Variants in CTNNA3 observed in about 807,000 individuals in gnomAD.
CTNNA3 encodes the protein catenin alpha 3, also known as catenin alpha-3.
A neutral mutation model predicts 95.7 loss-of-function variants in CTNNA3; 76 were observed. That is an observed-to-expected ratio of 0.79 (90% CI 0.66 to 0.96). The LOEUF (loss-of-function observed/expected upper bound fraction) is 0.96, where lower values mean the gene tolerates loss of function less well. Among genes scored for constraint, CTNNA3 ranks in the 40% least tolerant of loss-of-function variants. CTNNA3 has a pLI of 0.00. For missense variants in CTNNA3, 1,191 were observed against 1,089.8 expected, an observed-to-expected ratio of 1.09 and a Z score of -1.31; for synonymous variants, 431 against 374.4, an observed-to-expected ratio of 1.15 and a Z score of -1.74.
chr10:67,337,459 G>A (rs1288045179), intron 5 of CTNNA3, among the ~76,000 whole-genome samples: 1 of 152,188 alleles, frequency 6.6e-6, no homozygotes, highest in Non-Finnish European at 1.5e-5. Flanking sequence ...TCCTGGTGAA[G>A]ATGCAGTGAA....
At chr10:66,123,461 C>T (rs1185134223) in intron 13 of CTNNA3, among the ~76,000 whole-genome samples, 5 of 152,068 alleles carry the variant, frequency 3.3e-5, no homozygotes, top group African/African-American at 1.2e-4. Flanking sequence ...TTGAGTGTGG[C>T]TTTTCTAGGC....
chr10:66,326,415 G>A (rs2092255429), intron 12 of CTNNA3, among the ~76,000 whole-genome samples: 1 of 151,896 alleles, frequency 6.6e-6, no homozygotes, highest in African/African-American at 2.4e-5. Flanking sequence ...TCCATCTATG[G>A]GATTGGTAGA....
intron 10 of CTNNA3, among the ~76,000 whole-genome samples, chr10:66,597,511 C>CATATATATATATATAT (rs369390875): frequency 5.6e-5 from 4 of 70,974 alleles, no homozygotes; most frequent in Admixed American, 3.0e-4. Context: ...TTATTTCATA[C>CATATATATATATATAT]ATATATATAT....
At chr10:67,185,573 T>C (rs1370808289) in intron 6 of CTNNA3, among the ~76,000 whole-genome samples, 1 of 152,208 alleles carries the variant, frequency 6.6e-6, no homozygotes, top group African/African-American at 2.4e-5. Flanking sequence ...GATATTATTT[T>C]TGATGAAACC....
chr10:66,625,641 A>C (rs1844908888), intron 9 of CTNNA3, among the ~76,000 whole-genome samples: 1 of 152,152 alleles, frequency 6.6e-6, no homozygotes, highest in South Asian at 2.1e-4. Context: ...CATCTGCCTC[A>C]GTCTCCCAAA....
At chr10:67,193,920 G>T (rs1863233146) in intron 6 of CTNNA3, among the ~76,000 whole-genome samples, 1 of 151,918 alleles carries the variant, frequency 6.6e-6, no homozygotes, top group South Asian at 2.1e-4. Context: ...ACTAATTTAG[G>T]CTCCCACTAG....
chr10:66,441,056 G>T (rs1311283458), intron 11 of CTNNA3, among the ~76,000 whole-genome samples: 1 of 152,126 alleles, frequency 6.6e-6, no homozygotes, highest in African/African-American at 2.4e-5. Context: ...TATTAGGGTT[G>T]GGTGCCATGG....
At chr10:66,112,365 G>A (rs939957240) in intron 13 of CTNNA3, among the ~76,000 whole-genome samples, 3 of 152,102 alleles carry the variant, frequency 2.0e-5, no homozygotes, top group African/African-American at 7.2e-5. Context: ...AAGAATTGGT[G>A]ACTTTTCTTC....
intron 11 of CTNNA3, among the ~76,000 whole-genome samples, chr10:66,473,982 A>G (rs985868213): frequency 3.9e-5 from 6 of 152,134 alleles, no homozygotes; most frequent in South Asian, 4.1e-4. Context: ...ACATACGTGT[A>G]CATGTGTCTT....
chr10:66,657,016 T>A (rs189650375), intron 9 of CTNNA3, among the ~76,000 whole-genome samples: 83 of 152,210 alleles, frequency 5.5e-4, no homozygotes, highest in Middle Eastern at 6.8e-3. Flanking sequence ...ATAAGAAAAT[T>A]TGAAGTTTTT....
chr10:66,942,092 T>A (rs1848028351), intron 7 of CTNNA3, among the ~76,000 whole-genome samples: 1 of 152,190 alleles, frequency 6.6e-6, no homozygotes, highest in Admixed American at 6.5e-5. Context: ...ATACTTCATG[T>A]CCCAGCACAA....
At chr10:66,950,350 A>G (rs1165517687) in intron 7 of CTNNA3, among the ~76,000 whole-genome samples, 1 of 151,486 alleles carries the variant, frequency 6.6e-6, no homozygotes, top group East Asian at 1.9e-4. Flanking sequence ...ACAGGGAGGA[A>G]AAAATCTTAC....
chr10:66,628,191 C>A (rs1845005421), intron 9 of CTNNA3, among the ~76,000 whole-genome samples: 2 of 152,186 alleles, frequency 1.3e-5, no homozygotes, highest in African/African-American at 4.8e-5. Context: ...AATAATTTAT[C>A]TCTATCTGGA....
intron 2 of CTNNA3, among the ~76,000 whole-genome samples, chr10:67,636,593 G>C (rs573624706): frequency 1.3e-5 from 2 of 152,300 alleles, no homozygotes; most frequent in South Asian, 4.1e-4. Flanking sequence ...TTAATAAATA[G>C]TGCTGGGAGA....
intron 11 of CTNNA3, among the ~76,000 whole-genome samples, chr10:66,394,691 T>A (rs1346924912): frequency 1.3e-5 from 2 of 152,038 alleles, no homozygotes; most frequent in Non-Finnish European, 2.9e-5. Flanking sequence ...GCACACTGGA[T>A]GCTAATGTTG....
chr10:67,684,095 A>G (rs753708005), intron 1 of CTNNA3, among the ~76,000 whole-genome samples: 19 of 152,130 alleles, frequency 1.2e-4, no homozygotes, highest in Non-Finnish European at 2.4e-4. Context: ...TTATTCCCTT[A>G]TTTGGCCCCA....
chr10:67,373,282 T>C (rs943160964), intron 5 of CTNNA3, among the ~76,000 whole-genome samples: 2 of 152,028 alleles, frequency 1.3e-5, no homozygotes, highest in African/African-American at 2.4e-5. Context: ...GAGGAAGATC[T>C]ACCAAGCAAA....
intron 13 of CTNNA3, among the ~76,000 whole-genome samples, chr10:66,231,362 GA>G (rs201878707): frequency 5.0e-4 from 75 of 150,920 alleles, no homozygotes; most frequent in African/African-American, 1.5e-3. Flanking sequence ...TTTCGTAATA[GA>G]AAAAAAAATC....
chr10:66,087,931 G>A (rs924309558), intron 14 of CTNNA3, among the ~76,000 whole-genome samples: 11 of 151,920 alleles, frequency 7.2e-5, no homozygotes, highest in South Asian at 4.1e-4. Context: ...CAAAAATTTC[G>A]TCTTACAGTG....
Sources: gnomAD v4.1 joint callset for allele counts (sites outside exome capture counted in the v4.1 genomes callset) on GRCh38, gnomAD v4.1.1 for gene constraint, MANE v1.5 for transcripts, NCBI Gene and HGNC (gene_info 2026-07-23, HGNC 2026-07-21) for gene names.